The following ASTN2 variants were observed in gnomAD, a reference collection of about 807,000 sequenced individuals.
ASTN2 encodes the protein astrotactin-2.
Under a neutral mutation model 139.8 loss-of-function variants are expected in ASTN2, and 54 were observed. The ratio of observed to expected loss-of-function variants is 0.39; its 90% CI spans 0.31 to 0.48. The LOEUF is 0.48. Among genes scored for constraint, ASTN2 ranks in the 20% least tolerant of loss-of-function variants. The pLI is 0.95. For synonymous variants in ASTN2, 756 were observed against 719.5 expected (o/e 1.05, Z -0.81); for missense variants, 1,565 against 1,725.1 (o/e 0.91, Z 1.64).
chr9:116,481,959 T>C (rs1370363964), intron 20 of ASTN2, among the ~76,000 whole-genome samples: 1 of 152,160 alleles, frequency 6.6e-6, no homozygotes. Flanking sequence ...CTCCTTCTCA[T>C]TATGTGACAT....
At chr9:117,360,913 T>G (rs376563981) in intron 1 of ASTN2, among the ~76,000 whole-genome samples, 7 of 152,354 alleles carry the variant, frequency 4.6e-5, no homozygotes, top group African/African-American at 1.7e-4. Context: ...AACAGTTTTT[T>G]TCCCCCTTCC....
At chr9:116,558,500 G>A (rs1254976106) in intron 19 of ASTN2, among the ~76,000 whole-genome samples, 1 of 152,130 alleles carries the variant, frequency 6.6e-6, no homozygotes, top group Non-Finnish European at 1.5e-5. Context: ...CTTATGGAAG[G>A]ACATGGGCCA....
chr9:116,742,236 C>T (rs1312025057), intron 13 of ASTN2, among the ~76,000 whole-genome samples: 5 of 152,180 alleles, frequency 3.3e-5, no homozygotes, highest in African/African-American at 7.2e-5. Context: ...GTGCTGAGGG[C>T]GAAGTTCCCT....
intron 20 of ASTN2, among the ~76,000 whole-genome samples, chr9:116,460,296 G>C (rs1848447515): frequency 6.6e-6 from 1 of 152,026 alleles, no homozygotes; most frequent in Non-Finnish European, 1.5e-5. Flanking sequence ...TTTCTTTTTC[G>C]GGTGATGAAA....
chr9:116,901,090 T>TG (rs1833997987), intron 10 of ASTN2, among the ~76,000 whole-genome samples: 1 of 149,552 alleles, frequency 6.7e-6, no homozygotes, highest in Non-Finnish European at 1.5e-5. Flanking sequence ...CGGCTACTGA[T>TG]TGTGTGTGTG....
intron 1 of ASTN2, among the ~76,000 whole-genome samples, chr9:117,328,255 C>T (rs115638461): frequency 5.1e-4 from 78 of 152,140 alleles, no homozygotes; most frequent in Non-Finnish European, 1.9e-4. Context: ...ATAGGTTGCA[C>T]GCATACACAC....
chr9:117,359,885 T>G (rs1829646271), intron 1 of ASTN2, among the ~76,000 whole-genome samples: 1 of 151,832 alleles, frequency 6.6e-6, no homozygotes, highest in Non-Finnish European at 1.5e-5. Flanking sequence ...GATGACTAGA[T>G]CAAGCAATAA....
intron 2 of ASTN2, among the ~76,000 whole-genome samples, chr9:117,250,365 A>G (rs1026762966): frequency 1.3e-5 from 2 of 152,220 alleles, no homozygotes; most frequent in Non-Finnish European, 2.9e-5. Context: ...AGGACTGATA[A>G]CCTATAAAGT....
In ASTN2 at chr9:116,557,223, C is replaced by CAAAAAAAAAAAA. The variant is rs60756690; in HGVS notation, c.3355+61089_3355+61100dup. Among the ~76,000 whole-genome samples, 70 of 53,598 alleles carry CAAAAAAAAAAAA rather than the reference C, an allele frequency of 1.3e-3. 2 individuals are homozygous for CAAAAAAAAAAAA. Among genetic ancestry groups the CAAAAAAAAAAAA allele is most frequent in the African/African-American group, 5.0e-3 (67 of 13,404 alleles). 35.2% of individuals were successfully genotyped at this position (53,598 alleles called of 152,430 possible). ...TGGGCAACAGAGCGAGACTCTGTCTCAAAAAAAAAAAAAAAAAAAAAAAAA... is the reference window on the plus strand; with the variant it reads ...TGGGCAACAGAGCGAGACTCTGTCTCAAAAAAAAAAAAAAAAAAAAAAAAAAAAAAAAAAAAA... On this transcript the variant is annotated intron_variant, in intron 19 of 22. Transcript: ENST00000313400.
intron 2 of ASTN2, among the ~76,000 whole-genome samples, chr9:117,279,966 C>T (rs1448838582): frequency 6.6e-6 from 1 of 152,000 alleles, no homozygotes; most frequent in Non-Finnish European, 1.5e-5. Context: ...CACTAATGTC[C>T]TTGTTTTTCC....
chr9:117,048,963 C>T (rs865853839), intron 5 of ASTN2, among the ~76,000 whole-genome samples: 14 of 89,008 alleles, frequency 1.6e-4, no homozygotes, highest in African/African-American at 2.0e-4. Flanking sequence ...TCATCCATTG[C>T]TTTTTTTTTT....
At chr9:116,761,877 AAGAAG>A (rs1829681456) in intron 13 of ASTN2, among the ~76,000 whole-genome samples, 1 of 152,194 alleles carries the variant, frequency 6.6e-6, no homozygotes, top group Admixed American at 6.5e-5. Context: ...ATTCAGGATG[AAGAAG>A]AGCAAGGGAG....
At chr9:116,457,204 A>C (rs1265910356) in intron 20 of ASTN2, among the ~76,000 whole-genome samples, 1 of 152,164 alleles carries the variant, frequency 6.6e-6, no homozygotes, top group Non-Finnish European at 1.5e-5. Context: ...AATCAAATCA[A>C]AATAATTAAA....
At chr9:117,366,655 A>AC (rs1564168810) in intron 1 of ASTN2, among the ~76,000 whole-genome samples, 2 of 152,016 alleles carry the variant, frequency 1.3e-5, no homozygotes, top group Non-Finnish European at 2.9e-5. Context: ...CCATCTCATG[A>AC]CCTCAGTATT....
chr9:117,365,303 GAAAGAAAGAA>G (rs1179797349), intron 1 of ASTN2, among the ~76,000 whole-genome samples: 8 of 145,004 alleles, frequency 5.5e-5, no homozygotes, highest in South Asian at 2.1e-4. Flanking sequence ...GAAAGAAAAA[GAAAGAAAGAA>G]AAAGAAAGAA....
At chr9:116,969,248 T>C (rs1465781791) in intron 10 of ASTN2, among the ~76,000 whole-genome samples, 2 of 152,204 alleles carry the variant, frequency 1.3e-5, no homozygotes, top group Admixed American at 6.5e-5. Flanking sequence ...AGTCAGACTC[T>C]CAGATTCCAA....
At chr9:116,778,273 G>T (rs1830134153) in intron 13 of ASTN2, among the ~76,000 whole-genome samples, 1 of 152,072 alleles carries the variant, frequency 6.6e-6, no homozygotes, top group Non-Finnish European at 1.5e-5. Flanking sequence ...ACTGACTCTG[G>T]AATCCAAAAG....
intron 20 of ASTN2, among the ~76,000 whole-genome samples, chr9:116,444,911 G>C (rs1847940612): frequency 6.6e-6 from 1 of 152,172 alleles, no homozygotes; most frequent in South Asian, 2.1e-4. Flanking sequence ...GAAGGGTTGA[G>C]AACAAGATCA....
intron 19 of ASTN2, among the ~76,000 whole-genome samples, chr9:116,489,850 G>A (rs534947294): frequency 6.6e-6 from 1 of 152,264 alleles, no homozygotes; most frequent in Admixed American, 6.5e-5. Context: ...TCATAGACTT[G>A]ACGCGTAGAT....
Sources: allele counts gnomAD v4.1 joint callset (sites outside exome capture counted in the v4.1 genomes callset), GRCh38; gene constraint gnomAD v4.1.1; transcripts MANE v1.5; gene names NCBI Gene and HGNC (gene_info 2026-07-23, HGNC 2026-07-21).